Variants in PHACTR1 observed in about 807,000 individuals in gnomAD.
PHACTR1 encodes phosphatase and actin regulator 1, also known as RPEL repeat containing 1.
A neutral mutation model predicts 69.2 loss-of-function variants in PHACTR1; 16 were observed. That is an observed-to-expected ratio of 0.23 (90% CI 0.16 to 0.35). The LOEUF is 0.35. Among genes scored for constraint, PHACTR1 ranks in the 10% least tolerant of loss-of-function variants. PHACTR1 has a pLI of 1.00. For synonymous variants in PHACTR1, 312 were observed against 284.5 expected (o/e 1.10, Z -0.97); for missense variants, 510 against 734.7 (o/e 0.69, Z 3.54).
chr6:12,877,835 G>C (rs1782693946), intron 4 of PHACTR1, among the ~76,000 whole-genome samples: 1 of 152,070 alleles, frequency 6.6e-6, no homozygotes, highest in Non-Finnish European at 1.5e-5. Context: ...AGCAATTTAG[G>C]CTCAGTGTCC....
intron 4 of PHACTR1, among the ~76,000 whole-genome samples, chr6:13,010,291 C>T (rs968575000): frequency 6.6e-6 from 1 of 152,116 alleles, no homozygotes; most frequent in African/African-American, 2.4e-5. Context: ...CCACACCCAG[C>T]TAATTTTTGT....
intron 4 of PHACTR1, among the ~76,000 whole-genome samples, chr6:12,754,564 T>C (rs1767060824): frequency 6.6e-6 from 1 of 152,158 alleles, no homozygotes; most frequent in Non-Finnish European, 1.5e-5. Flanking sequence ...GTGCTATATA[T>C]AGTTAGAGCT....
chr6:13,181,441 C>T (rs552149820), intron 6 of PHACTR1, among the ~76,000 whole-genome samples: 2 of 152,310 alleles, frequency 1.3e-5, no homozygotes, highest in South Asian at 2.1e-4. Flanking sequence ...TTATTCATCT[C>T]GCTGGAACAG....
intron 4 of PHACTR1, among the ~76,000 whole-genome samples, chr6:12,940,883 G>A (rs143946389): frequency 4.6e-5 from 7 of 152,154 alleles, no homozygotes; most frequent in Admixed American, 2.0e-4. Context: ...CAGAAAAATC[G>A]GGACAGACAG....
intron 4 of PHACTR1, among the ~76,000 whole-genome samples, chr6:13,018,385 T>A (rs1251181074): frequency 6.6e-6 from 1 of 152,154 alleles, no homozygotes; most frequent in East Asian, 1.9e-4. Context: ...TCTCCTCTGC[T>A]TGCTGGCTGG....
At chr6:13,083,619 A>C (rs1198745564) in intron 5 of PHACTR1, among the ~76,000 whole-genome samples, 1 of 151,942 alleles carries the variant, frequency 6.6e-6, no homozygotes, top group South Asian at 2.1e-4. Context: ...CTTTTATTTC[A>C]TTGAGCAGTG....
At chr6:12,879,201 G>T (rs1465199013) in intron 4 of PHACTR1, among the ~76,000 whole-genome samples, 1 of 152,218 alleles carries the variant, frequency 6.6e-6, no homozygotes, top group Non-Finnish European at 1.5e-5. Flanking sequence ...TGAACCTTGA[G>T]TGTGAACCAA....
At chr6:12,802,198 C>T (rs1037677154) in intron 4 of PHACTR1, among the ~76,000 whole-genome samples, 12 of 150,886 alleles carry the variant, frequency 8.0e-5, no homozygotes, top group Non-Finnish European at 1.8e-4. Flanking sequence ...CATTAATAGC[C>T]AGTTAATGCC....
intron 4 of PHACTR1, among the ~76,000 whole-genome samples, chr6:12,848,826 T>C (rs538082740): frequency 1.3e-5 from 2 of 152,228 alleles, no homozygotes; most frequent in Non-Finnish European, 2.9e-5. Context: ...AAATCTTTTT[T>C]TCTTTTTTTA....
intron 5 of PHACTR1, among the ~76,000 whole-genome samples, chr6:13,119,986 T>C (rs115245845): frequency 0.01 from 1,593 of 152,242 alleles, 22 homozygotes; most frequent in African/African-American, 0.036. Context: ...GCACCCTGCC[T>C]GTCACATCAA....
chr6:13,239,104 G>A (rs1454635857), intron 10 of PHACTR1, among the ~76,000 whole-genome samples: 4 of 152,270 alleles, frequency 2.6e-5, no homozygotes, highest in South Asian at 4.1e-4. Context: ...CGGAAAGACC[G>A]CCCTGGTATT....
chr6:13,020,067 C>T (rs1364800041), intron 4 of PHACTR1, among the ~76,000 whole-genome samples: 1 of 152,048 alleles, frequency 6.6e-6, no homozygotes, highest in Non-Finnish European at 1.5e-5. Flanking sequence ...GCCAGGTAGC[C>T]AGAGAGAGGG....
chr6:12,742,011 T>C (rs1005844996), intron 3 of PHACTR1, among the ~76,000 whole-genome samples: 3 of 152,230 alleles, frequency 2.0e-5, no homozygotes, highest in Non-Finnish European at 4.4e-5. Flanking sequence ...TTGATGGTTT[T>C]GATGCTATTA....
chr6:12,855,190 A>G (rs997179948), intron 4 of PHACTR1, among the ~76,000 whole-genome samples: 3 of 152,214 alleles, frequency 2.0e-5, no homozygotes, highest in African/African-American at 7.2e-5. Flanking sequence ...ATACACCATG[A>G]AATACTACAC....
At chr6:12,846,182 C>T (rs1379094423) in intron 4 of PHACTR1, among the ~76,000 whole-genome samples, 2 of 152,146 alleles carry the variant, frequency 1.3e-5, no homozygotes, top group African/African-American at 4.8e-5. Flanking sequence ...AATTGTTGGT[C>T]GGTGTGCCCA....
intron 4 of PHACTR1, among the ~76,000 whole-genome samples, chr6:12,796,108 A>G (rs1251103998): frequency 1.3e-5 from 2 of 152,190 alleles, no homozygotes; most frequent in Admixed American, 1.3e-4. Context: ...TTGGGAAAGA[A>G]GGAAAAAGAA....
At chr6:13,190,807 T>G (rs1281110129) in intron 7 of PHACTR1, among the ~76,000 whole-genome samples, 1 of 121,988 alleles carries the variant, frequency 8.2e-6, no homozygotes, top group Non-Finnish European at 2.0e-5. Context: ...CAAGGAAACT[T>G]AATATATTCT....
At position 12,860,296 on chromosome 6, in the gene PHACTR1, G is replaced by A. The variant is rs572499655; in HGVS notation, c.250+110506G>A. Among the ~76,000 whole-genome samples the A allele has an allele frequency of 4.9e-4, 75 of 152,170 alleles. 1 individual carries two copies. In the South Asian group the frequency reaches 0.014, roughly 29 times the overall value. On this transcript the variant is annotated intron_variant, in intron 4 of 14. Transcript: ENST00000332995. ...AGTTTGCTGAGAATGATGGTTTCCAGCTTCATCCATGTCCGTGCAAAGGAC... is the reference window on the plus strand; with the variant it reads ...AGTTTGCTGAGAATGATGGTTTCCAACTTCATCCATGTCCGTGCAAAGGAC...
At chr6:13,192,926 T>C (rs543041122) in intron 7 of PHACTR1, among the ~76,000 whole-genome samples, 2 of 152,288 alleles carry the variant, frequency 1.3e-5, no homozygotes, top group South Asian at 4.1e-4. Context: ...TAGCAAAATG[T>C]TCTCCAGTTC....
Sources: allele counts gnomAD v4.1 joint callset (sites outside exome capture counted in the v4.1 genomes callset), GRCh38; gene constraint gnomAD v4.1.1; transcripts MANE v1.5; gene names NCBI Gene and HGNC (gene_info 2026-07-23, HGNC 2026-07-21).